AGPAT4: variants seen among roughly 807,000 people sequenced by gnomAD.
AGPAT4 encodes 1-acyl-sn-glycerol-3-phosphate acyltransferase delta.
In AGPAT4, 15 loss-of-function variants were observed where a neutral mutation model predicts 48.0. The observed-to-expected ratio is 0.31, with a 90% confidence interval of 0.21 to 0.48. The LOEUF (loss-of-function observed/expected upper bound fraction) is 0.48, where lower values mean the gene tolerates loss of function less well. AGPAT4 is among the 20% of genes least tolerant of loss of function. The probability of loss-of-function intolerance (pLI) is 0.99; values close to 1 mark genes in which losing one functional copy is unlikely to be tolerated. For missense variants in AGPAT4, 314 were observed against 482.5 expected, an observed-to-expected ratio of 0.65 and a Z score of 3.27; for synonymous variants, 178 against 198.7, an observed-to-expected ratio of 0.90 and a Z score of 0.88.
rs373457485 is a variant in AGPAT4 at position 161,242,057 on chromosome 6, T to C, written c.-89-9755A>G. Among the ~76,000 whole-genome samples, 26 of 152,336 alleles carry C rather than the reference T, an allele frequency of 1.7e-4. No individual in the cohort carries two copies. The highest frequency in any genetic ancestry group is 5.3e-4 in the African/African-American group (22 of 41,580). The stretch of plus-strand genomic sequence containing the variant: ...CAAAAATGTTTACAGTTAAACATCA[T>C]AGGGCTTCTGAATCATAACCAGTGC... On this transcript the variant is annotated intron_variant, in intron 1 of 8. Coordinates refer to ENST00000320285, the MANE Select transcript of AGPAT4 (RefSeq NM_020133.3). This position sits in a 1 kb window ranked among gnomAD's most constrained non-coding sequence, Gnocchi z 5.0.
At position 161,137,612 on chromosome 6, in the gene AGPAT4, A is replaced by C. The variant is rs1029243805; in HGVS notation, c.1043-978T>G. 5.3e-5 allele frequency among the ~76,000 whole-genome samples: 8 copies of C among 151,638 alleles called. No individual in the cohort carries two copies. Among genetic ancestry groups the C allele is most frequent in the Non-Finnish European group, 1.0e-4 (7 of 67,998 alleles). ...TTGTAGAGCAGAAAGAAGTGAGTAA[A>C]ACGTGGACCGTGTGGCCTTGGAAGA... On this transcript the variant is annotated intron_variant, in intron 8 of 8. Coordinates refer to ENST00000320285, the MANE Select transcript of AGPAT4 (RefSeq NM_020133.3). This position sits in a 1 kb window ranked among gnomAD's most constrained non-coding sequence, Gnocchi z 6.1.
At chr6:161,173,117 T>C (rs1271032016) in intron 2 of AGPAT4, among the ~76,000 whole-genome samples, 1 of 152,232 alleles carries the variant, frequency 6.6e-6, no homozygotes, top group Non-Finnish European at 1.5e-5. Context: ...TGTACATGTG[T>C]CTTTATAGCA....
chr6:161,130,802 T>C lies in AGPAT4; in HGVS notation c.*5738A>G. 2 of 515,334 alleles carry C rather than the reference T, an allele frequency of 3.9e-6. No homozygotes were observed. The highest frequency in any genetic ancestry group is 2.8e-5 in the South Asian group (2 of 71,064). 31.9% of individuals were successfully genotyped at this position (515,334 alleles called of 1,614,324 possible). ...CTACCCGGAAGCTGGCTCTGCAGCGTTGTGACTTAGACACTTTACAAGTCT... is the reference window on the plus strand; with the variant it reads ...CTACCCGGAAGCTGGCTCTGCAGCGCTGTGACTTAGACACTTTACAAGTCT... On this transcript the variant is annotated 3_prime_UTR_variant, in exon 9 of 9. Coordinates refer to ENST00000320285, the MANE Select transcript of AGPAT4 (RefSeq NM_020133.3).
intron 2 of AGPAT4, among the ~76,000 whole-genome samples, chr6:161,174,203 A>G (rs113828420): frequency 6.6e-6 from 1 of 152,108 alleles, no homozygotes. Context: ...GTAGCTTGAT[A>G]GGGATGGCAT....
In AGPAT4 at chr6:161,137,216, C is replaced by T. The variant is rs1359886268; in HGVS notation, c.1043-582G>A. On this transcript the variant is annotated intron_variant, in intron 8 of 8. Transcript: ENST00000320285. This position sits in a 1 kb window ranked among gnomAD's most constrained non-coding sequence, Gnocchi z 6.1. The stretch of plus-strand genomic sequence containing the variant: ...TAATATAGGAAGCTGGAAAGCAGGG[C>T]CTAATGCTCAGAAGTTGCAATTTCA... Among the ~76,000 whole-genome samples, 1 of 152,156 alleles carries T rather than the reference C, an allele frequency of 6.6e-6. No homozygotes were observed. Among genetic ancestry groups the T allele is most frequent in the Non-Finnish European group, 1.5e-5 (1 of 68,036 alleles).
chr6:161,203,503 C>T (rs2115012293), intron 2 of AGPAT4, among the ~76,000 whole-genome samples: 1 of 151,390 alleles, frequency 6.6e-6, no homozygotes, highest in South Asian at 2.1e-4. Flanking sequence ...ATTCTCCTGC[C>T]CCGGCCCCCC....
chr6:161,273,547 A>T (rs1290314711), intron 1 of AGPAT4, among the ~76,000 whole-genome samples: 1 of 152,162 alleles, frequency 6.6e-6, no homozygotes, highest in Non-Finnish European at 1.5e-5. Flanking sequence ...AGAGAGCAAT[A>T]TGTAATAGGA....
intron 1 of AGPAT4, among the ~76,000 whole-genome samples, chr6:161,253,763 C>T (rs533524707): frequency 2.4e-4 from 37 of 152,210 alleles, no homozygotes; most frequent in African/African-American, 7.5e-4. Flanking sequence ...TGAATCCTTT[C>T]GTGAGCTCCT....
Position 161,194,598 on chromosome 6 carries a change from A to G in AGPAT4, c.179-28181T>C, listed in dbSNP as rs555065853. Among the ~76,000 whole-genome samples the G allele has an allele frequency of 6.0e-4, 90 of 149,194 alleles. 1 individual carries two copies. In the South Asian group the frequency reaches 0.016, roughly 26 times the overall value. On this transcript the variant is annotated intron_variant, in intron 2 of 8. Transcript: ENST00000320285. ...TGTGTGTATATATGTGTATGTATGTATGTGTGTCTATGTATGTGTACATGT... is the reference window on the plus strand; with the variant it reads ...TGTGTGTATATATGTGTATGTATGTGTGTGTGTCTATGTATGTGTACATGT...
intron 2 of AGPAT4, among the ~76,000 whole-genome samples, chr6:161,179,476 GT>G (rs1213110097): frequency 6.6e-6 from 1 of 152,308 alleles, no homozygotes; most frequent in Admixed American, 6.5e-5. Context: ...CAACTCAAAG[GT>G]TTGGTGTGAA....
chr6:161,217,690 C>T lies in AGPAT4; in HGVS notation c.178+14346G>A, dbSNP rs1781687170. 6.6e-6 allele frequency among the ~76,000 whole-genome samples: 1 copy of T among 152,070 alleles called. No individual in the cohort carries two copies. Among genetic ancestry groups the T allele is most frequent in the East Asian group, 1.9e-4 (1 of 5,180 alleles). ...TCTCATTTATGAACATCATAATTAC[C>T]CTGGTGAAAGGACTGGCTGGGAGAG... On this transcript the variant is annotated intron_variant, in intron 2 of 8. Coordinates refer to ENST00000320285, the MANE Select transcript of AGPAT4 (RefSeq NM_020133.3). The surrounding 1 kb of genome is among the most constrained non-coding windows in gnomAD (Gnocchi z 4.9).
rs1781275103 is a variant in AGPAT4 at position 161,202,961 on chromosome 6, G to C, written c.178+29075C>G. On this transcript the variant is annotated intron_variant, in intron 2 of 8. Coordinates refer to ENST00000320285, the MANE Select transcript of AGPAT4 (RefSeq NM_020133.3). The surrounding 1 kb of genome is among the most constrained non-coding windows in gnomAD (Gnocchi z 5.4). ...CCAACATCAACCTCCAGGCTTGTGA[G>C]TAAAGATACCAGCCCTTGATTTCTG... Among the ~76,000 whole-genome samples the C allele has an allele frequency of 6.6e-6, 1 of 152,196 alleles. No homozygotes were observed.
rs557418245 is a variant in AGPAT4 at position 161,169,140 on chromosome 6, C to T, written c.179-2723G>A. On this transcript the variant is annotated intron_variant, in intron 2 of 8. Transcript: ENST00000320285. The surrounding 1 kb of genome is among the most constrained non-coding windows in gnomAD (Gnocchi z 5.0). The stretch of plus-strand genomic sequence containing the variant: ...GATGGAGAGAAACCCAGAGAGAGAA[C>T]ATCACAGAGACTTCTGGGTTACCAG... Among the ~76,000 whole-genome samples the T allele has an allele frequency of 6.6e-6, 1 of 152,120 alleles. No individual in the cohort carries two copies. Among genetic ancestry groups the T allele is most frequent in the Non-Finnish European group, 1.5e-5 (1 of 68,028 alleles).
chr6:161,237,941 G>C (rs1332627372), intron 1 of AGPAT4, among the ~76,000 whole-genome samples: 2 of 152,006 alleles, frequency 1.3e-5, no homozygotes, highest in Non-Finnish European at 2.9e-5. Flanking sequence ...CACAGGGTTG[G>C]CATGCTCTAT....
intron 8 of AGPAT4, among the ~76,000 whole-genome samples, 194 bp from the exon 9 acceptor site, chr6:161,136,828 C>T (rs1779083035): frequency 6.6e-6 from 1 of 152,196 alleles, no homozygotes; most frequent in Non-Finnish European, 1.5e-5. Flanking sequence ...GACATTAAGA[C>T]AAAGCAAGGC....
In AGPAT4 at chr6:161,169,667, T is replaced by G. The variant is rs59200723; in HGVS notation, c.179-3250A>C. ...CTTAATCAAATGATTTCACTTCTTT[T>G]TTAATTCACAGAAACACATTTATAC... On this transcript the variant is annotated intron_variant, in intron 2 of 8. Transcript: ENST00000320285. The surrounding 1 kb of genome is among the most constrained non-coding windows in gnomAD (Gnocchi z 5.0). 0.019 allele frequency among the ~76,000 whole-genome samples: 2,965 copies of G among 152,300 alleles called. 101 individuals carry two copies. The highest frequency in any genetic ancestry group is 0.067 in the African/African-American group (2,796 of 41,552).
chr6:161,256,058 G>C (rs1782934514), intron 1 of AGPAT4, among the ~76,000 whole-genome samples: 1 of 152,124 alleles, frequency 6.6e-6, no homozygotes, highest in African/African-American at 2.4e-5. Flanking sequence ...GCAGGAAAAA[G>C]CCACTCCACC....
intron 3 of AGPAT4, chr6:161,160,813 T>C: frequency 2.8e-6 from 1 of 360,376 alleles, no homozygotes; most frequent in Non-Finnish European, 5.5e-6. Flanking sequence ...AGCCCAGCCC[T>C]TGTGGGATGG....
rs554159356 is a variant in AGPAT4 at position 161,167,371 on chromosome 6, G to T, written c.179-954C>A. ...CTCCTGAGTAGCTGGGACTACAGGTGTGCACCACCATGCCCAGCTAATTTT... is the reference window on the plus strand; with the variant it reads ...CTCCTGAGTAGCTGGGACTACAGGTTTGCACCACCATGCCCAGCTAATTTT... On this transcript the variant is annotated intron_variant, in intron 2 of 8. Coordinates refer to ENST00000320285, the MANE Select transcript of AGPAT4 (RefSeq NM_020133.3). 2.0e-5 allele frequency among the ~76,000 whole-genome samples: 3 copies of T among 152,212 alleles called. No individual in the cohort carries two copies. The South Asian group carries it at 6.2e-4, about 32-fold the overall frequency.
Sources: gnomAD v4.1 joint callset for allele counts (sites outside exome capture counted in the v4.1 genomes callset) on GRCh38, gnomAD v4.1.1 for gene constraint, Gnocchi (gnomAD v3.1) non-coding constraint, MANE v1.5 for transcripts, NCBI Gene and HGNC (gene_info 2026-07-23, HGNC 2026-07-21) for gene names.